ATG4B: variants seen among roughly 807,000 people sequenced by gnomAD.
ATG4B encodes the protein autophagy related 4B cysteine peptidase.
In ATG4B, 29 loss-of-function variants were observed where a neutral mutation model predicts 56.6. The observed-to-expected ratio is 0.51, with a 90% CI of 0.38 to 0.70. The LOEUF (loss-of-function observed/expected upper bound fraction) is 0.70, where lower values mean the gene tolerates loss of function less well. Among genes scored for constraint, ATG4B ranks in the 30% least tolerant of loss-of-function variants. The probability of loss-of-function intolerance (pLI) is 0.00; values close to 1 mark genes in which losing one functional copy is unlikely to be tolerated. For synonymous variants in ATG4B, 224 were observed against 206.1 expected (o/e 1.09, Z -0.74); for missense variants, 461 against 515.5 (o/e 0.89, Z 1.02).
rs543105097 is a variant in ATG4B, at chr2:241,666,591, G to GTGCT, written c.539-54_539-53insTGCT. The stretch of plus-strand genomic sequence containing the variant: ...AGTCATCATTTGCTTGCTTGTTGTG[G>GTGCT]GAGCACTTTTGCACAGGTCTGCTTG... On this transcript the variant is annotated intron_variant, in intron 7 of 12. Transcript: ENST00000404914. 7.6e-4 allele frequency: 1,190 copies of GTGCT among 1,574,428 alleles called. 9 individuals carry two copies. In the African/African-American group the frequency reaches 0.014, roughly 19 times the overall value.
In ATG4B at chr2:241,651,423, C is replaced by T. The variant is rs1294655109; in HGVS notation, c.184+88C>T. The T allele has an allele frequency of 3.0e-6, 3 of 992,430 alleles. No individual in the cohort carries two copies. The highest frequency in any genetic ancestry group is 1.5e-5 in the South Asian group (1 of 65,022). 61.5% of individuals were successfully genotyped at this position (992,430 alleles called of 1,614,324 possible). A position where few individuals can be genotyped will look rare whatever the true frequency, so the allele number is the denominator to read the frequency against. ...CGCTTGTAGATTTGACTTCAATATG[C>T]CACTGACTTCATTTGAATCTTCACA... is the stretch of plus-strand genomic sequence containing the variant. On this transcript the variant is annotated intron_variant, in intron 3 of 12. Coordinates refer to ENST00000404914, the MANE Select transcript of ATG4B (RefSeq NM_013325.5). The surrounding 1 kb of genome is among the most constrained non-coding windows in gnomAD (Gnocchi z 4.1).
intron 8 of ATG4B, among the ~76,000 whole-genome samples, 155 bp downstream of exon 8, chr2:241,666,993 G>T (rs1404881961): frequency 6.6e-6 from 1 of 152,232 alleles, no homozygotes; most frequent in Non-Finnish European, 1.5e-5. Flanking sequence ...CAAGGGGTGA[G>T]TGGGCGTGAG....
chr2:241,642,106 T>C (rs1313965112), intron 1 of ATG4B, among the ~76,000 whole-genome samples: 1 of 151,346 alleles, frequency 6.6e-6, no homozygotes, highest in Non-Finnish European at 1.5e-5. Context: ...GTTTGTAGAG[T>C]TTAACATAAA....
chr2:241,668,316 A>T lies in ATG4B; in HGVS notation c.811+95A>T. The T allele has an allele frequency of 6.9e-7, 1 of 1,450,564 alleles. No individual in the cohort carries two copies. The highest frequency in any genetic ancestry group is 2.5e-5 in the East Asian group (1 of 40,288). The allele number at this position is 1,450,564 out of a possible 1,614,324, so 89.9% of individuals were successfully genotyped here. A position where few individuals can be genotyped will look rare whatever the true frequency, so the allele number is the denominator to read the frequency against. ...ACACCCCAGGTGACCACTTGAGGCCACTGGTGGAAAAGCAGCATGCCCTGG... is the reference window on the plus strand; with the variant it reads ...ACACCCCAGGTGACCACTTGAGGCCTCTGGTGGAAAAGCAGCATGCCCTGG... On this transcript the variant is annotated intron_variant, in intron 9 of 12. Coordinates refer to ENST00000404914, the MANE Select transcript of ATG4B (RefSeq NM_013325.5). This position sits in a 1 kb window ranked among gnomAD's most constrained non-coding sequence, Gnocchi z 4.2.
chr2:241,648,197 A>G (rs911710184), intron 1 of ATG4B, among the ~76,000 whole-genome samples: 3 of 152,222 alleles, frequency 2.0e-5, no homozygotes, highest in African/African-American at 7.2e-5. Context: ...ACATATATAT[A>G]AAAAGGCAGG....
Position 241,673,316 on chromosome 2 carries a change from G to A in ATG4B, c.*1052G>A, listed in dbSNP as rs953282404. On this transcript the variant is annotated 3_prime_UTR_variant, in exon 13 of 13. Transcript: ENST00000404914. Reference sequence around the variant, plus strand: ...CTGACCCTGTGTAACCTGCTGTCCCGGGTCCCAGAGTGCACTCTGCCCCGC... The same window carrying A: ...CTGACCCTGTGTAACCTGCTGTCCCAGGTCCCAGAGTGCACTCTGCCCCGC... The A allele has an allele frequency of 3.2e-5, 11 of 348,002 alleles. No individual in the cohort carries two copies. The highest frequency in any genetic ancestry group is 6.4e-5 in the South Asian group (3 of 46,696). The allele number at this position is 348,002 out of a possible 1,614,324, so 21.6% of individuals were successfully genotyped here.
Position 241,673,219 on chromosome 2 carries a change from C to T in ATG4B, c.*955C>T. On this transcript the variant is annotated 3_prime_UTR_variant, in exon 13 of 13. Coordinates refer to ENST00000404914, the MANE Select transcript of ATG4B (RefSeq NM_013325.5). Reference sequence around the variant, plus strand: ...CTTGAGTCTTGTGGTGTGTGGTGGGCAGACACCACAGGGTGGCATCACCTG... The same window carrying T: ...CTTGAGTCTTGTGGTGTGTGGTGGGTAGACACCACAGGGTGGCATCACCTG... 1 of 295,048 alleles carries T rather than the reference C, an allele frequency of 3.4e-6. No individual in the cohort carries two copies. Among genetic ancestry groups the T allele is most frequent in the Non-Finnish European group, 6.8e-6 (1 of 146,334 alleles). 18.3% of individuals were successfully genotyped at this position (295,048 alleles called of 1,614,324 possible). A position where few individuals can be genotyped will look rare whatever the true frequency, so the allele number is the denominator to read the frequency against.
chr2:241,651,859 A>G lies in ATG4B; in HGVS notation c.184+524A>G. The G allele has an allele frequency of 7.8e-7, 1 of 1,287,142 alleles. No individual in the cohort carries two copies. Among genetic ancestry groups the G allele is most frequent in the African/African-American group, 1.5e-5 (1 of 65,602 alleles). 79.7% of individuals were successfully genotyped at this position (1,287,142 alleles called of 1,614,324 possible). On this transcript the variant is annotated intron_variant, in intron 3 of 12. Transcript: ENST00000404914. This position sits in a 1 kb window ranked among gnomAD's most constrained non-coding sequence, Gnocchi z 4.1. ...GGTGAATGTGACATGTTTTTATGTA[A>G]CACTAAGGTGCATTCTGTTAAAAGC...
chr2:241,673,707 A>G lies in ATG4B; in HGVS notation c.*1443A>G. 1 of 455,704 alleles carries G rather than the reference A, an allele frequency of 2.2e-6. No homozygotes were observed. Among genetic ancestry groups the G allele is most frequent in the Non-Finnish European group, 4.4e-6 (1 of 227,036 alleles). The allele number at this position is 455,704 out of a possible 1,614,324, so 28.2% of individuals were successfully genotyped here. ...GTTCATGGTGCGCCGCTGTGCTGGGAGCTGCAGTGGTAATGTGTGGGACAC... is the reference window on the plus strand; with the variant it reads ...GTTCATGGTGCGCCGCTGTGCTGGGGGCTGCAGTGGTAATGTGTGGGACAC... On this transcript the variant is annotated 3_prime_UTR_variant, in exon 13 of 13. Coordinates refer to ENST00000404914, the MANE Select transcript of ATG4B (RefSeq NM_013325.5).
At chr2:241,665,827 C>T (rs963546743) in intron 7 of ATG4B, among the ~76,000 whole-genome samples, 4 of 152,204 alleles carry the variant, frequency 2.6e-5, no homozygotes, top group South Asian at 2.1e-4. Context: ...TGAGAAGAGC[C>T]GCCTTTTCTC....
intron 7 of ATG4B, among the ~76,000 whole-genome samples, chr2:241,662,828 A>T (rs180693697): frequency 1.3e-5 from 2 of 148,720 alleles, no homozygotes; most frequent in East Asian, 4.0e-4. Flanking sequence ...TATAATCCCA[A>T]CTTCAAAACC....
rs1217595111 is a variant in ATG4B, at chr2:241,651,864, A to G, written c.184+529A>G. ...ATGTGACATGTTTTTATGTAACACTAAGGTGCATTCTGTTAAAAGCCATTC... is the reference window on the plus strand; with the variant it reads ...ATGTGACATGTTTTTATGTAACACTGAGGTGCATTCTGTTAAAAGCCATTC... On this transcript the variant is annotated intron_variant, in intron 3 of 12. Coordinates refer to ENST00000404914, the MANE Select transcript of ATG4B (RefSeq NM_013325.5). This position sits in a 1 kb window ranked among gnomAD's most constrained non-coding sequence, Gnocchi z 4.1. The G allele has an allele frequency of 3.1e-6, 4 of 1,290,882 alleles. No individual in the cohort carries two copies. Among genetic ancestry groups the G allele is most frequent in the African/African-American group, 1.5e-5 (1 of 65,570 alleles). 80.0% of individuals were successfully genotyped at this position (1,290,882 alleles called of 1,614,324 possible). A position where few individuals can be genotyped will look rare whatever the true frequency, so the allele number is the denominator to read the frequency against.
At chr2:241,659,377 C>T (rs1241246294) in intron 7 of ATG4B, 190 bp downstream of exon 7, 1 of 671,798 alleles carries the variant, frequency 1.5e-6, no homozygotes, top group East Asian at 3.0e-5. Context: ...GCGGTCATAC[C>T]AAGAGAGGAG....
chr2:241,660,308 T>A (rs188528529), intron 7 of ATG4B, among the ~76,000 whole-genome samples: 1 of 152,370 alleles, frequency 6.6e-6, no homozygotes, highest in African/African-American at 2.4e-5. Flanking sequence ...AGGTGTGTGC[T>A]GGGTCACAGA....
intron 6 of ATG4B, among the ~76,000 whole-genome samples, chr2:241,655,905 G>C (rs2068386149): frequency 1.3e-5 from 2 of 152,322 alleles, no homozygotes; most frequent in South Asian, 4.1e-4. Context: ...ACTTGCCTGT[G>C]GTTTCAGCTT....
At chr2:241,650,927 C>T (rs1039601627) in intron 1 of ATG4B, 83 bp from the exon 2 acceptor site, 33 of 1,172,746 alleles carry the variant, frequency 2.8e-5, no homozygotes, top group Non-Finnish European at 3.8e-5. Context: ...CTCTTCAGCA[C>T]AGAAATGCTG....
intron 7 of ATG4B, among the ~76,000 whole-genome samples, chr2:241,666,389 G>C (rs2068770822): frequency 1.3e-5 from 2 of 152,236 alleles, no homozygotes; most frequent in South Asian, 4.1e-4. Flanking sequence ...TTCTTGCACT[G>C]TTTCGTGTGT....
chr2:241,671,782 C>A, intron 12 of ATG4B: 1 of 1,280,202 alleles, frequency 7.8e-7, no homozygotes, highest in Non-Finnish European at 1.0e-6. Context: ...CCCCTCGGAC[C>A]ATGGCCAGCG....
intron 6 of ATG4B, 47 bp downstream of exon 6, chr2:241,655,390 C>A: frequency 1.3e-6 from 2 of 1,557,894 alleles, no homozygotes; most frequent in Non-Finnish European, 1.7e-6. Context: ...CAGGGATGTT[C>A]CCTGGGGGTT....
Sources: gnomAD v4.1 joint callset for allele counts (sites outside exome capture counted in the v4.1 genomes callset) on GRCh38, gnomAD v4.1.1 for gene constraint, Gnocchi (gnomAD v3.1) non-coding constraint, MANE v1.5 for transcripts, NCBI Gene and HGNC (gene_info 2026-07-23, HGNC 2026-07-21) for gene names.